RBMS3: variants seen among roughly 807,000 people sequenced by gnomAD.
The protein encoded by RBMS3 is RNA binding motif single stranded interacting protein 3, also known as RNA-binding motif, single-stranded-interacting protein 3.
In RBMS3, 27 loss-of-function variants were observed where a neutral mutation model predicts 66.8. The ratio of observed to expected loss-of-function variants is 0.40; its 90% CI spans 0.30 to 0.56. The LOEUF (loss-of-function observed/expected upper bound fraction) is 0.56. Ranked by LOEUF, RBMS3 falls within the 20% of genes least tolerant of loss-of-function variation. The pLI, the probability that RBMS3 is intolerant of heterozygous loss-of-function variation, is 0.40. For synonymous variants in RBMS3, 188 were observed against 183.0 expected (o/e 1.03, Z -0.22); for missense variants, 513 against 549.5 (o/e 0.93, Z 0.66).
chr3:29,432,587 C>T (rs1261277002), intron 1 of RBMS3, among the ~76,000 whole-genome samples: 2 of 152,114 alleles, frequency 1.3e-5, no homozygotes, highest in African/African-American at 2.4e-5. Context: ...CAAGCACCTA[C>T]TGTATATCAG....
chr3:29,360,236 G>A (rs2037490662), intron 1 of RBMS3, among the ~76,000 whole-genome samples: 1 of 151,782 alleles, frequency 6.6e-6, no homozygotes, highest in Non-Finnish European at 1.5e-5. Context: ...CAGAGATTCT[G>A]GTACATTGTG....
At position 29,690,153 on chromosome 3, in the gene RBMS3, T is replaced by C. The variant is rs1454367166; in HGVS notation, c.400-49567T>C. Among the ~76,000 whole-genome samples the C allele has an allele frequency of 2.6e-5, 4 of 151,828 alleles. No individual in the cohort carries two copies. The East Asian group carries it at 7.7e-4, about 29-fold the overall frequency. On this transcript the variant is annotated intron_variant, in intron 4 of 14. Coordinates refer to ENST00000383767, the MANE Select transcript of RBMS3 (RefSeq NM_001003793.3). Reference sequence around the variant, plus strand: ...ATCAATAGAGATTTTTGAGAGAAAGTAAAATGACATATCTGGCCAGGCGTG... The same window carrying C: ...ATCAATAGAGATTTTTGAGAGAAAGCAAAATGACATATCTGGCCAGGCGTG...
At chr3:29,779,366 TA>T (rs2056541205) in intron 6 of RBMS3, among the ~76,000 whole-genome samples, 1 of 151,586 alleles carries the variant, frequency 6.6e-6, no homozygotes, top group African/African-American at 2.4e-5. Flanking sequence ...GGCACACTAT[TA>T]AAAAGCTCCA....
At chr3:29,838,452 CT>C (rs1323737993) in intron 6 of RBMS3, among the ~76,000 whole-genome samples, 1 of 152,096 alleles carries the variant, frequency 6.6e-6, no homozygotes, top group East Asian at 1.9e-4. Flanking sequence ...ACAATATGTT[CT>C]TCAATGTTAT....
intron 4 of RBMS3, chr3:29,616,114 TCTC>T (rs1230771936): frequency 6.6e-6 from 1 of 152,156 alleles, no homozygotes; most frequent in Non-Finnish European, 1.5e-5. Flanking sequence ...TTGAGCCAGT[TCTC>T]CTTTCCTCTA....
intron 4 of RBMS3, among the ~76,000 whole-genome samples, chr3:29,701,688 C>G (rs1266283632): frequency 1.3e-5 from 2 of 152,124 alleles, no homozygotes; most frequent in African/African-American, 2.4e-5. Flanking sequence ...CCGGCGCCAC[C>G]GGCCTTGGGC....
chr3:29,719,992 T>A (rs1276308109), intron 4 of RBMS3, among the ~76,000 whole-genome samples: 1 of 152,038 alleles, frequency 6.6e-6, no homozygotes, highest in African/African-American at 2.4e-5. Context: ...ATCAATGTCT[T>A]CTCATTGTAC....
At chr3:29,548,152 A>G (rs546295835) in intron 3 of RBMS3, among the ~76,000 whole-genome samples, 1 of 152,238 alleles carries the variant, frequency 6.6e-6, no homozygotes, top group East Asian at 1.9e-4. Flanking sequence ...AATGAAGGTG[A>G]CCAGGCACCG....
chr3:29,739,656 C>A, intron 4 of RBMS3, 64 bp from the exon 5 acceptor site: 1 of 1,372,500 alleles, frequency 7.3e-7, no homozygotes, highest in Non-Finnish European at 9.7e-7. Flanking sequence ...ACAAAAGTTT[C>A]TCTATTTGTA....
At chr3:29,984,446 G>A (rs1213340426) in intron 12 of RBMS3, among the ~76,000 whole-genome samples, 1 of 151,814 alleles carries the variant, frequency 6.6e-6, no homozygotes, top group Non-Finnish European at 1.5e-5. Context: ...GTCCAGTTTT[G>A]TTCTCTCACT....
chr3:29,931,934 A>C (rs1481490106), intron 10 of RBMS3, among the ~76,000 whole-genome samples: 1 of 152,228 alleles, frequency 6.6e-6, no homozygotes, highest in Non-Finnish European at 1.5e-5. Flanking sequence ...AACTATAGGC[A>C]ATCGTATAAT....
At chr3:29,897,564 A>C in intron 9 of RBMS3, 89 bp downstream of exon 9, 1 of 1,208,996 alleles carries the variant, frequency 8.3e-7, no homozygotes, top group Non-Finnish European at 1.2e-6. Context: ...GAATGAAAAG[A>C]AAAAAATTCT....
chr3:29,487,987 G>A (rs1471841142), intron 2 of RBMS3, among the ~76,000 whole-genome samples: 2 of 152,150 alleles, frequency 1.3e-5, no homozygotes, highest in African/African-American at 4.8e-5. Flanking sequence ...ATTGAACTAG[G>A]AGATTTGACA....
At chr3:29,538,270 C>A (rs971174914) in intron 3 of RBMS3, among the ~76,000 whole-genome samples, 1 of 152,172 alleles carries the variant, frequency 6.6e-6, no homozygotes, top group South Asian at 2.1e-4. Context: ...GGCCTCTGTA[C>A]AATTTATGCG....
At chr3:29,415,849 T>C (rs891099456) in intron 1 of RBMS3, among the ~76,000 whole-genome samples, 2 of 152,032 alleles carry the variant, frequency 1.3e-5, no homozygotes, top group African/African-American at 4.8e-5. Flanking sequence ...GATTGCTGAG[T>C]TCAAGTGAAT....
At chr3:29,435,059 T>G in intron 2 of RBMS3, 144 bp downstream of exon 2, 1 of 876,876 alleles carries the variant, frequency 1.1e-6, no homozygotes, top group South Asian at 2.1e-5. Context: ...AAATTTGAGA[T>G]TCAATGCTAG....
At chr3:29,303,020 G>T (rs2033783237) in intron 1 of RBMS3, among the ~76,000 whole-genome samples, 1 of 151,982 alleles carries the variant, frequency 6.6e-6, no homozygotes, top group Admixed American at 6.6e-5. Flanking sequence ...TGATCTCAGT[G>T]TGTGCTAAAA....
At chr3:29,475,060 A>G (rs1244024077) in intron 2 of RBMS3, among the ~76,000 whole-genome samples, 4 of 152,164 alleles carry the variant, frequency 2.6e-5, no homozygotes, top group Non-Finnish European at 5.9e-5. Context: ...ATTCACTGAG[A>G]TAATATTGCA....
chr3:29,366,354 CA>C (rs1306512094), intron 1 of RBMS3, among the ~76,000 whole-genome samples: 1 of 152,096 alleles, frequency 6.6e-6, no homozygotes, highest in African/African-American at 2.4e-5. Flanking sequence ...TCCTAAGGAA[CA>C]ATGCCTCCAA....
Sources: gnomAD v4.1 joint callset for allele counts (sites outside exome capture counted in the v4.1 genomes callset) on GRCh38, gnomAD v4.1.1 for gene constraint, MANE v1.5 for transcripts, NCBI Gene and HGNC (gene_info 2026-07-23, HGNC 2026-07-21) for gene names.